MMP26: variants seen among roughly 807,000 people sequenced by gnomAD.
MMP26 encodes matrix metalloproteinase-26.
A neutral mutation model predicts 31.0 loss-of-function variants in MMP26; 33 were observed. That is an observed-to-expected ratio of 1.06 (90% CI 0.81 to 1.42). MMP26 has a LOEUF of 1.42. Among genes scored for constraint, MMP26 ranks in the 40% most tolerant of loss-of-function variants. The pLI, the probability that MMP26 is intolerant of heterozygous loss-of-function variation, is 0.00. For synonymous variants in MMP26, 122 were observed against 114.9 expected (o/e 1.06, Z -0.40); for missense variants, 347 against 316.1 (o/e 1.10, Z -0.74).
intron 1 of MMP26, among the ~76,000 whole-genome samples, chr11:4,720,712 G>A (rs376745950): frequency 2.0e-4 from 31 of 152,170 alleles, no homozygotes; most frequent in African/African-American, 6.3e-4. Context: ...ATGAGAGGGA[G>A]CTGCTCTTTT....
chr11:4,882,902 A>G, intron 2 of MMP26: 1 of 1,591,090 alleles, frequency 6.3e-7, no homozygotes, highest in Non-Finnish European at 8.6e-7. Flanking sequence ...AATTGTCAGG[A>G]CACGAATTAT....
At chr11:4,734,928 A>C (rs1486571009) in intron 1 of MMP26, among the ~76,000 whole-genome samples, 1 of 150,038 alleles carries the variant, frequency 6.7e-6, no homozygotes. Context: ...ATTCTCTGAC[A>C]GCTATGCCTG....
intron 2 of MMP26, among the ~76,000 whole-genome samples, chr11:4,812,610 G>A (rs1849364889): frequency 6.6e-6 from 1 of 152,226 alleles, no homozygotes; most frequent in Non-Finnish European, 1.5e-5. Flanking sequence ...CAGGTGCAAA[G>A]GGTTGGATAG....
intron 1 of MMP26, chr11:4,711,705 C>A (rs182901007): frequency 6.6e-6 from 1 of 152,254 alleles, no homozygotes; most frequent in Admixed American, 6.5e-5. Flanking sequence ...GTTTAAAGTG[C>A]AGATTCCTCA....
At chr11:4,807,216 G>T (rs998327079) in intron 2 of MMP26, among the ~76,000 whole-genome samples, 1 of 152,068 alleles carries the variant, frequency 6.6e-6, no homozygotes, top group Non-Finnish European at 1.5e-5. Flanking sequence ...GGGTCAAATG[G>T]TATTTCTAGT....
intron 2 of MMP26, among the ~76,000 whole-genome samples, chr11:4,931,045 G>A (rs1851339572): frequency 6.6e-6 from 1 of 151,884 alleles, no homozygotes; most frequent in Non-Finnish European, 1.5e-5. Context: ...TCTACTCATA[G>A]TAGAAAGATA....
At chr11:4,923,929 G>T in intron 2 of MMP26, 1 of 1,614,148 alleles carries the variant, frequency 6.2e-7, no homozygotes, top group South Asian at 1.1e-5. Context: ...CAGGTGTCAG[G>T]ACGGTGGAGT....
intron 1 of MMP26, among the ~76,000 whole-genome samples, chr11:4,720,276 T>A (rs956496519): frequency 6.6e-6 from 1 of 152,264 alleles, no homozygotes; most frequent in African/African-American, 2.4e-5. Context: ...AGTAATGTCA[T>A]GCTTATTGCT....
At chr11:4,750,623 C>T (rs2133300398) in intron 1 of MMP26, among the ~76,000 whole-genome samples, 1 of 152,046 alleles carries the variant, frequency 6.6e-6, no homozygotes, top group African/African-American at 2.4e-5. Context: ...TTTGCAGTAA[C>T]ATTGATGGGA....
chr11:4,982,381 T>C (rs984487154), intron 2 of MMP26, among the ~76,000 whole-genome samples: 1 of 152,162 alleles, frequency 6.6e-6, no homozygotes, highest in African/African-American at 2.4e-5. Flanking sequence ...TACAATCTTA[T>C]GGGAGCACCA....
chr11:4,802,747 C>G lies in MMP26; in HGVS notation c.-145+35406C>G, dbSNP rs571515193. ...TTGGATATATTTCCTGAATTCCTTTCTTTACGTACGTATTCCAGTATAGAA... is the reference window on the plus strand; with the variant it reads ...TTGGATATATTTCCTGAATTCCTTTGTTTACGTACGTATTCCAGTATAGAA... On this transcript the variant is annotated intron_variant, in intron 2 of 7. Coordinates refer to ENST00000380390, the MANE Select transcript of MMP26 (RefSeq NM_021801.5). 9.1e-4 allele frequency among the ~76,000 whole-genome samples: 138 copies of G among 152,292 alleles called. No individual in the cohort carries two copies. The Middle Eastern group carries it at 0.014, about 15-fold the overall frequency.
chr11:4,986,551 G>T, intron 2 of MMP26, among the ~76,000 whole-genome samples: 1 of 83,214 alleles, frequency 1.2e-5, no homozygotes, highest in Non-Finnish European at 2.1e-5. Flanking sequence ...TTTTTTTTGA[G>T]ACAGAATCTC....
intron 1 of MMP26, among the ~76,000 whole-genome samples, chr11:4,726,672 C>T (rs973606135): frequency 2.6e-5 from 4 of 152,146 alleles, no homozygotes; most frequent in Non-Finnish European, 4.4e-5. Flanking sequence ...CAAGTGTTGA[C>T]TAATTTATTT....
At chr11:4,813,435 C>T (rs1370531895) in intron 2 of MMP26, among the ~76,000 whole-genome samples, 1 of 151,722 alleles carries the variant, frequency 6.6e-6, no homozygotes, top group Admixed American at 6.6e-5. Context: ...TGTTGCCCAG[C>T]TGGGCTGCTC....
chr11:4,927,130 G>C (rs1316814776), intron 2 of MMP26, among the ~76,000 whole-genome samples: 1 of 152,100 alleles, frequency 6.6e-6, no homozygotes, highest in Non-Finnish European at 1.5e-5. Context: ...GAGGTGGGCC[G>C]GGCAATGATC....
At chr11:4,801,783 G>A (rs903008765) in intron 2 of MMP26, among the ~76,000 whole-genome samples, 9 of 151,840 alleles carry the variant, frequency 5.9e-5, no homozygotes, top group East Asian at 1.9e-4. Context: ...CTCGTGATCC[G>A]CCTGCCTCGG....
intron 2 of MMP26, among the ~76,000 whole-genome samples, chr11:4,782,091 A>G (rs1439275960): frequency 1.3e-5 from 2 of 152,216 alleles, no homozygotes; most frequent in African/African-American, 2.4e-5. Flanking sequence ...GTAGAGCAGG[A>G]CACTGCTGAA....
intron 2 of MMP26, among the ~76,000 whole-genome samples, chr11:4,986,944 T>TCA (rs1846906481): frequency 7.4e-6 from 1 of 135,668 alleles, no homozygotes; most frequent in Non-Finnish European, 1.6e-5. Context: ...TCTCTCTCTC[T>TCA]CTCTCTCTCT....
chr11:4,721,741 G>T (rs1432287131), intron 1 of MMP26, among the ~76,000 whole-genome samples: 1 of 152,006 alleles, frequency 6.6e-6, no homozygotes, highest in African/African-American at 2.4e-5. Flanking sequence ...CATGCTTCAG[G>T]GTGTTGACCA....
Sources: gnomAD v4.1 joint callset for allele counts (sites outside exome capture counted in the v4.1 genomes callset) on GRCh38, gnomAD v4.1.1 for gene constraint, MANE v1.5 for transcripts, NCBI Gene and HGNC (gene_info 2026-07-23, HGNC 2026-07-21) for gene names.